BLTP3B: variants seen among roughly 807,000 people sequenced by gnomAD.
The protein encoded by BLTP3B is bridge-like lipid transfer protein family member 3B.
At chr12:100,082,999 T>G in the BLTP3B span, 4 of 1,586,816 alleles carry the variant, frequency 2.5e-6, no homozygotes, top group Non-Finnish European at 3.5e-6. Context: ...AAAACTTAAT[T>G]GGAAAAGAAA....
the BLTP3B span, among the ~76,000 whole-genome samples, chr12:100,065,631 C>A: frequency 6.6e-6 from 1 of 152,112 alleles, no homozygotes; most frequent in Non-Finnish European, 1.5e-5. Context: ...TGGGAAAAGA[C>A]CACTCCCCAG....
chr12:100,042,802 AGTTT>A, the BLTP3B span, among the ~76,000 whole-genome samples: 4 of 152,194 alleles, frequency 2.6e-5, no homozygotes, highest in South Asian at 2.1e-4. Context: ...TTAGCAATCA[AGTTT>A]GTTTGTTTTT....
At chr12:100,141,821 C>T in the BLTP3B span, among the ~76,000 whole-genome samples, 1 of 151,900 alleles carries the variant, frequency 6.6e-6, no homozygotes, top group African/African-American at 2.4e-5. Flanking sequence ...ATGTTTCTGA[C>T]TAAAACCGCG....
chr12:100,062,791 G>A, the BLTP3B span, among the ~76,000 whole-genome samples: 14 of 151,974 alleles, frequency 9.2e-5, 1 homozygote, highest in East Asian at 1.4e-3. Flanking sequence ...GTGAGATCTT[G>A]TATCTACAAA....
the BLTP3B span, among the ~76,000 whole-genome samples, chr12:100,140,564 G>A: frequency 6.6e-6 from 1 of 150,900 alleles, no homozygotes; most frequent in Non-Finnish European, 1.5e-5. Flanking sequence ...AATTAGCCAG[G>A]CGTGGTGGCG....
At chr12:100,100,421 G>T in the BLTP3B span, among the ~76,000 whole-genome samples, 1 of 152,012 alleles carries the variant, frequency 6.6e-6, no homozygotes, top group Non-Finnish European at 1.5e-5. Flanking sequence ...AAATGTAAAA[G>T]ACTTTTTGGC....
the BLTP3B span, among the ~76,000 whole-genome samples, chr12:100,112,193 AT>A: frequency 1.3e-5 from 2 of 152,224 alleles, no homozygotes; most frequent in Non-Finnish European, 2.9e-5. Flanking sequence ...AATATATGTA[AT>A]TTAGCCAGGA....
the BLTP3B span, among the ~76,000 whole-genome samples, chr12:100,057,272 G>C: frequency 5.3e-5 from 8 of 152,110 alleles, no homozygotes; most frequent in Non-Finnish European, 1.0e-4. Context: ...CTGGTTAAAA[G>C]AAACAATGGA....
chr12:100,078,508 C>CGCAATTTATACAGGAAAT, the BLTP3B span, among the ~76,000 whole-genome samples: 3 of 152,160 alleles, frequency 2.0e-5, no homozygotes, highest in Non-Finnish European at 4.4e-5. Flanking sequence ...AGCAAAACGA[C>CGCAATTTATACAGGAAAT]GCAGGGTGGA....
chr12:100,109,361 G>A, the BLTP3B span, among the ~76,000 whole-genome samples: 34 of 152,136 alleles, frequency 2.2e-4, no homozygotes, highest in Non-Finnish European at 4.1e-4. Context: ...GTATAAAAAC[G>A]GACTAAGACA....
the BLTP3B span, among the ~76,000 whole-genome samples, chr12:100,129,260 T>A: frequency 6.6e-6 from 1 of 151,842 alleles, no homozygotes; most frequent in Non-Finnish European, 1.5e-5. Flanking sequence ...CAAAAATAAA[T>A]TGGAAAACTA....
the BLTP3B span, chr12:100,050,424 C>G: frequency 9.8e-7 from 1 of 1,021,952 alleles, no homozygotes; most frequent in African/African-American, 1.7e-5. Flanking sequence ...CAATTGTGAC[C>G]TACCAGACCA....
At chr12:100,123,696 A>C in the BLTP3B span, among the ~76,000 whole-genome samples, 12,421 of 151,918 alleles carry the variant, frequency 0.082, 676 homozygotes, top group African/African-American at 0.14. Context: ...TTAAACTAAA[A>C]CCTAAAATAT....
the BLTP3B span, among the ~76,000 whole-genome samples, chr12:100,122,779 C>T: frequency 6.6e-6 from 1 of 152,158 alleles, no homozygotes; most frequent in Non-Finnish European, 1.5e-5. Flanking sequence ...GAACCCTCTT[C>T]TCTACTACAT....
the BLTP3B span, among the ~76,000 whole-genome samples, chr12:100,129,946 T>C: frequency 6.6e-6 from 1 of 152,194 alleles, no homozygotes; most frequent in Admixed American, 6.5e-5. Context: ...TCTCAAGCTG[T>C]CATTTATGTC....
the BLTP3B span, among the ~76,000 whole-genome samples, chr12:100,054,349 A>G: frequency 6.6e-6 from 1 of 152,188 alleles, no homozygotes; most frequent in Non-Finnish European, 1.5e-5. Flanking sequence ...CATAAAATAA[A>G]TAACAGTTGA....
chr12:100,060,183 G>A, the BLTP3B span: 5 of 667,308 alleles, frequency 7.5e-6, no homozygotes, highest in Non-Finnish European at 4.5e-6. Context: ...AAATCAAAGT[G>A]ATACATTGGA....
At chr12:100,115,482 G>C in the BLTP3B span, among the ~76,000 whole-genome samples, 2 of 152,124 alleles carry the variant, frequency 1.3e-5, no homozygotes, top group Admixed American at 6.6e-5. Flanking sequence ...CAATAAGTAA[G>C]TATAGGCCGG....
the BLTP3B span, chr12:100,037,441 A>C: frequency 7.5e-7 from 1 of 1,329,312 alleles, no homozygotes; most frequent in Non-Finnish European, 9.5e-7. Flanking sequence ...CAAAACACAA[A>C]ACAACCAAAA....
Sources: allele counts gnomAD v4.1 joint callset (sites outside exome capture counted in the v4.1 genomes callset), GRCh38; gene constraint gnomAD v4.1.1; transcripts MANE v1.5; gene names NCBI Gene and HGNC (gene_info 2026-07-23, HGNC 2026-07-21).